Variants in NLRP4 observed in about 807,000 individuals in gnomAD.
The protein encoded by NLRP4 is NLR family pyrin domain containing 4.
A neutral mutation model predicts 84.7 loss-of-function variants in NLRP4; 44 were observed. That is an observed-to-expected ratio of 0.52 (90% CI 0.41 to 0.67). The LOEUF (loss-of-function observed/expected upper bound fraction) is 0.67. Ranked by LOEUF, NLRP4 falls within the 30% of genes least tolerant of loss-of-function variation. The pLI is 0.00. For synonymous variants in NLRP4, 544 were observed against 476.4 expected (o/e 1.14, Z -1.85); for missense variants, 1,260 against 1,219.4 (o/e 1.03, Z -0.50).
intron 1 of NLRP4, among the ~76,000 whole-genome samples, chr19:55,842,567 TTAATTC>T (rs1983652597): frequency 6.6e-6 from 1 of 152,080 alleles, no homozygotes; most frequent in African/African-American, 2.4e-5. Flanking sequence ...GTGATAAATT[TTAATTC>T]TATTTTCTGT....
At chr19:55,848,070 T>C (rs1250286176) in intron 1 of NLRP4, among the ~76,000 whole-genome samples, 2 of 152,140 alleles carry the variant, frequency 1.3e-5, no homozygotes, top group Non-Finnish European at 2.9e-5. Flanking sequence ...CTGGGTTTCA[T>C]TGCTGTGTCT....
chr19:55,858,088 G>A lies in NLRP4; in HGVS notation c.695G>A (p.Ser232Asn), dbSNP rs765014683. Reference protein sequence around the residue: ...QPERLLFVIDSFEELQGGLNE... With the variant: ...QPERLLFVIDNFEELQGGLNE... ...GAGAGACTCTTGTTCGTCATCGACA[G>A]CTTCGAAGAGCTGCAGGGCGGCTTG... Residue 232 changes from serine to asparagine, a missense_variant, in exon 3 of 10, where the codon AGC (serine) becomes AAC (asparagine). Transcript: ENST00000301295. The surrounding 1 kb of genome is among the most constrained non-coding windows in gnomAD (Gnocchi z 4.2). The A allele has an allele frequency of 1.2e-6, 2 of 1,614,176 alleles. No homozygotes were observed. Among genetic ancestry groups the A allele is most frequent in the Non-Finnish European group, 8.5e-7 (1 of 1,180,044 alleles).
In NLRP4 at chr19:55,861,501, T is replaced by C; in HGVS notation, c.1972T>C (p.Trp658Arg). 6.2e-7 allele frequency: 1 copy of C among 1,614,158 alleles called. No homozygotes were observed. Among genetic ancestry groups the C allele is most frequent in the Non-Finnish European group, 8.5e-7 (1 of 1,180,016 alleles). ...CCTCAGCGAGTCGACCTTTGTGACC[T>C]GGTGTAACCAGCTGAGGCATCCCAG... ...STLSESTFVT[W>R]CNQLRHPSCR... is the part of the protein sequence containing the mutation. The change falls in exon 4 of 10, where the codon TGG becomes CGG. Residue 658 changes from tryptophan (W) to arginine (R), a missense_variant. Around this residue, in one of 3 missense-constraint regions of NLRP4, gnomAD observed 544 missense variants for 531.7 expected, o/e 1.02. Coordinates refer to ENST00000301295, the MANE Select transcript of NLRP4 (RefSeq NM_134444.5).
intron 3 of NLRP4, 78 bp downstream of exon 3, chr19:55,859,327 T>A: frequency 1.7e-6 from 2 of 1,146,540 alleles, no homozygotes; most frequent in Non-Finnish European, 2.5e-6. Flanking sequence ...AGGGAGTGTT[T>A]AATATAGGAT....
intron 3 of NLRP4, among the ~76,000 whole-genome samples, chr19:55,860,527 A>G (rs1895035701): frequency 6.6e-6 from 1 of 152,164 alleles, no homozygotes; most frequent in Non-Finnish European, 1.5e-5. Flanking sequence ...GACTGCGGTG[A>G]GCCATGATCG....
chr19:55,879,552 T>C (rs1219439451), intron 9 of NLRP4, among the ~76,000 whole-genome samples: 1 of 152,120 alleles, frequency 6.6e-6, no homozygotes, highest in Admixed American at 6.5e-5. Context: ...TGCCCATTTC[T>C]TTCTTACTGT....
chr19:55,836,838 A>T lies in NLRP4; in HGVS notation c.-162A>T, dbSNP rs1983334045. 1 of 151,424 alleles carries T rather than the reference A, an allele frequency of 6.6e-6. No homozygotes were observed. Among genetic ancestry groups the T allele is most frequent in the Non-Finnish European group, 1.5e-5 (1 of 67,900 alleles). The allele number at this position is 151,424 out of a possible 1,614,324, so 9.4% of individuals were successfully genotyped here. Reference sequence around the variant, plus strand: ...TGGGGGAGACTCGTCACGAAGGGAGACCTTGGAGCTTCGAGGGTGGGAATG... The same window carrying T: ...TGGGGGAGACTCGTCACGAAGGGAGTCCTTGGAGCTTCGAGGGTGGGAATG... On this transcript the variant is annotated 5_prime_UTR_variant, in exon 1 of 10. Coordinates refer to ENST00000301295, the MANE Select transcript of NLRP4 (RefSeq NM_134444.5).
rs1465392171 is a variant in NLRP4, at chr19:55,852,095, C to T, written c.15C>T (p.Phe5=). 9 of 1,592,786 alleles carry T rather than the reference C, an allele frequency of 5.7e-6. No homozygotes were observed. Among genetic ancestry groups the T allele is most frequent in the Non-Finnish European group, 6.8e-6 (8 of 1,174,550 alleles). The change falls in exon 2 of 10, where the codon TTC becomes TTT. Residue 5 remains phenylalanine (F), a synonymous_variant. Transcript: ENST00000301295. The part of the protein sequence containing the change: MAAS[F]FSDFGLMWYL... ...CTCCAGAAAAGATGGCAGCCTCTTT[C>T]TTCTCTGATTTTGGTCTTATGTGGT...
At chr19:55,849,984 A>ATTTCCGTAGCTGTGGTGTG (rs1568658295) in intron 1 of NLRP4, among the ~76,000 whole-genome samples, 1 of 75,456 alleles carries the variant, frequency 1.3e-5, no homozygotes. Context: ...GCTGCGGTGT[A>ATTTCCGTAGCTGTGGTGTG]ATTTCCGAGA....
At chr19:55,861,657 G>T in intron 4 of NLRP4, 110 bp downstream of exon 4, 5 of 1,029,888 alleles carry the variant, frequency 4.9e-6, no homozygotes, top group Non-Finnish European at 7.3e-6. Context: ...AACATCCAGA[G>T]CAGTTGCTCA....
At chr19:55,875,740 A>C (rs1460549988) in intron 7 of NLRP4, among the ~76,000 whole-genome samples, 5 of 152,104 alleles carry the variant, frequency 3.3e-5, no homozygotes, top group African/African-American at 4.8e-5. Context: ...CTAAAATATA[A>C]AAAGTGGGCC....
At chr19:55,850,748 CCCGAGGCTGCGGTGTAATTT>C (rs1568659282) in intron 1 of NLRP4, among the ~76,000 whole-genome samples, 1,356 of 95,816 alleles carry the variant, frequency 0.014, 351 homozygotes, top group Middle Eastern at 0.025. Flanking sequence ...CGGTGTACTT[CCCGAGGCTGCGGTGTAATTT>C]CCGAGGCTGC....
At chr19:55,867,611 A>G in intron 5 of NLRP4, 98 bp from the exon 6 acceptor site, 1 of 1,085,858 alleles carries the variant, frequency 9.2e-7, no homozygotes, top group Non-Finnish European at 1.4e-6. Flanking sequence ...CCTCTCAAGG[A>G]CAGCAAATGT....
chr19:55,858,720 G>A lies in NLRP4; in HGVS notation c.1327G>A (p.Glu443Lys). The change falls in exon 3 of 10, where the codon GAG (glutamate) becomes AAG (lysine). Residue 443 changes from glutamate to lysine, a missense_variant. Physicochemically the swap from Glu to Lys is moderately conservative, Grantham distance 56. Around this residue, in one of 3 missense-constraint regions of NLRP4, gnomAD observed 712 missense variants for 669.2 expected, o/e 1.06. Coordinates refer to ENST00000301295, the MANE Select transcript of NLRP4 (RefSeq NM_134444.5). The surrounding 1 kb of genome is among the most constrained non-coding windows in gnomAD (Gnocchi z 4.2). ...LGTKILLKYG[E>K]RESSYVFLHV... ...CACCAAGATACTTCTGAAGTACGGG[G>A]AGCGTGAGAGCTCCTACGTGTTCCT... 1.4e-5 allele frequency: 22 copies of A among 1,614,192 alleles called. No individual in the cohort carries two copies. Among genetic ancestry groups the A allele is most frequent in the Non-Finnish European group, 1.8e-5 (21 of 1,180,028 alleles).
chr19:55,880,082 A>G lies in NLRP4; in HGVS notation c.2867+1118A>G, dbSNP rs976054072. On this transcript the variant is annotated intron_variant, in intron 9 of 9. Transcript: ENST00000301295. Reference sequence around the variant, plus strand: ...AAACCAATATGAGATGAAGGTAATCATAGGCAGTTATTAGGCTGTTCATTT... The same window carrying G: ...AAACCAATATGAGATGAAGGTAATCGTAGGCAGTTATTAGGCTGTTCATTT... Among the ~76,000 whole-genome samples the G allele has an allele frequency of 3.3e-5, 5 of 152,176 alleles. No homozygotes were observed. The South Asian group carries it at 6.2e-4, about 19-fold the overall frequency.
rs1405170286 is a variant in NLRP4, at chr19:55,881,546, A to G, written c.2944A>G (p.Ile982Val). The G allele has an allele frequency of 6.2e-7, 1 of 1,607,708 alleles. No homozygotes were observed. The highest frequency in any genetic ancestry group is 2.2e-5 in the East Asian group (1 of 44,862). Residue 982 changes from isoleucine (I) to valine (V), a missense_variant, in exon 10 of 10, where the codon ATC becomes GTC. By Grantham distance (29) the Ile-to-Val change is conservative. This residue lies in a region of NLRP4 where 544 missense variants were observed against 531.7 expected (regional missense o/e 1.02). Coordinates refer to ENST00000301295, the MANE Select transcript of NLRP4 (RefSeq NM_134444.5). The stretch of plus-strand genomic sequence containing the variant: ...GGAAGAGAGAAATCCTAACCTGACC[A>G]TCACAGACGACTGTGACACAATCAC... ...AEEERNPNLT[I>V]TDDCDTITRV... is the part of the protein sequence containing the mutation.
chr19:55,854,381 A>C (rs933868923), intron 2 of NLRP4, among the ~76,000 whole-genome samples: 2 of 152,004 alleles, frequency 1.3e-5, no homozygotes, highest in African/African-American at 2.4e-5. Flanking sequence ...GAGCATTTTA[A>C]ATTATTTTAA....
At chr19:55,860,161 G>A (rs1311481857) in intron 3 of NLRP4, among the ~76,000 whole-genome samples, 1 of 151,664 alleles carries the variant, frequency 6.6e-6, no homozygotes, top group Non-Finnish European at 1.5e-5. Flanking sequence ...AATTTTTTGT[G>A]TTTTTAGTAG....
At chr19:55,841,048 T>C (rs930786957) in intron 1 of NLRP4, among the ~76,000 whole-genome samples, 5 of 152,244 alleles carry the variant, frequency 3.3e-5, no homozygotes, top group African/African-American at 1.2e-4. Flanking sequence ...ATTTATGGGA[T>C]ACAGTGTGAT....
Sources: gnomAD v4.1 joint callset for allele counts (sites outside exome capture counted in the v4.1 genomes callset) on GRCh38, gnomAD v4.1.1 for gene constraint, gnomAD v4.1.1 regional missense constraint, Gnocchi (gnomAD v3.1) non-coding constraint, MANE v1.5 for transcripts, NCBI Gene and HGNC (gene_info 2026-07-23, HGNC 2026-07-21) for gene names.